The following KIF6 variants were observed in gnomAD, a reference collection of about 807,000 sequenced individuals.
KIF6 encodes kinesin-like protein KIF6.
Under a neutral mutation model 112.7 loss-of-function variants are expected in KIF6, and 106 were observed. The ratio of observed to expected loss-of-function variants is 0.94; its 90% CI spans 0.80 to 1.11. The LOEUF is 1.11. KIF6 is among the 50% of genes least tolerant of loss of function. The pLI, the probability that KIF6 is intolerant of heterozygous loss-of-function variation, is 0.00. For synonymous variants in KIF6, 339 were observed against 339.9 expected (o/e 1.00, Z 0.03); for missense variants, 929 against 964.0 (o/e 0.96, Z 0.48).
intron 12 of KIF6, among the ~76,000 whole-genome samples, chr6:39,541,416 A>C (rs927282009): frequency 3.9e-5 from 6 of 152,210 alleles, no homozygotes; most frequent in Admixed American, 1.3e-4. Flanking sequence ...GCTCTGGCCG[A>C]ACACGCTGCT....
intron 7 of KIF6, among the ~76,000 whole-genome samples, chr6:39,593,751 C>T (rs1782080140): frequency 6.6e-6 from 1 of 152,192 alleles, no homozygotes; most frequent in Non-Finnish European, 1.5e-5. Context: ...TGCTCTGCCC[C>T]ATCCTTGATT....
chr6:39,696,381 T>C (rs1035494519), intron 3 of KIF6, among the ~76,000 whole-genome samples: 1 of 152,082 alleles, frequency 6.6e-6, no homozygotes, highest in Non-Finnish European at 1.5e-5. Flanking sequence ...GCCTAGAAGG[T>C]GCATAATTGA....
At chr6:39,570,134 G>A (rs1220515475) in intron 10 of KIF6, among the ~76,000 whole-genome samples, 2 of 152,128 alleles carry the variant, frequency 1.3e-5, no homozygotes, top group African/African-American at 4.8e-5. Context: ...ACTATATTTA[G>A]TCTTAAATTA....
chr6:39,390,924 G>A (rs532617451), intron 15 of KIF6, among the ~76,000 whole-genome samples: 24 of 152,230 alleles, frequency 1.6e-4, no homozygotes, highest in African/African-American at 5.5e-4. Context: ...AAAAATAATG[G>A]GCCTAGAATA....
chr6:39,540,621 G>A (rs891832743), intron 12 of KIF6, among the ~76,000 whole-genome samples: 11 of 152,362 alleles, frequency 7.2e-5, no homozygotes, highest in African/African-American at 2.2e-4. Flanking sequence ...GCGAGCACGC[G>A]CCTGCTCGGG....
At chr6:39,357,747 C>T (rs1050345947) in intron 18 of KIF6, among the ~76,000 whole-genome samples, 1 of 152,100 alleles carries the variant, frequency 6.6e-6, no homozygotes, top group African/African-American at 2.4e-5. Context: ...CCATACCCGG[C>T]CTTGATGTAA....
chr6:39,344,182 T>C (rs1763537990), intron 21 of KIF6, among the ~76,000 whole-genome samples: 1 of 152,224 alleles, frequency 6.6e-6, no homozygotes, highest in South Asian at 2.1e-4. Flanking sequence ...ATAAGTCTCA[T>C]GAGATCTGAT....
intron 3 of KIF6, chr6:39,690,769 G>A (rs1400020147): frequency 6.6e-6 from 1 of 152,374 alleles, no homozygotes; most frequent in East Asian, 1.9e-4. Flanking sequence ...GTGGCCAATG[G>A]GGGACTGCAG....
intron 9 of KIF6, chr6:39,583,479 T>C (rs778055174): frequency 2.1e-6 from 1 of 471,576 alleles, no homozygotes; most frequent in Non-Finnish European, 4.4e-6. Context: ...CTTGGTGCTT[T>C]CTGAGGCAAG....
chr6:39,707,132 T>C (rs1789255092), intron 3 of KIF6, among the ~76,000 whole-genome samples: 1 of 152,230 alleles, frequency 6.6e-6, no homozygotes, highest in Non-Finnish European at 1.5e-5. Context: ...TTTTCTCACA[T>C]GTGTAGAATT....
At chr6:39,377,220 T>G (rs1766511395) in intron 16 of KIF6, among the ~76,000 whole-genome samples, 1 of 152,178 alleles carries the variant, frequency 6.6e-6, no homozygotes, top group Non-Finnish European at 1.5e-5. Flanking sequence ...GGCTAATTTT[T>G]TAATCTTTTC....
At chr6:39,715,760 A>G in intron 2 of KIF6, among the ~76,000 whole-genome samples, 1 of 152,170 alleles carries the variant, frequency 6.6e-6, no homozygotes, top group East Asian at 1.9e-4. Context: ...CAAAGAGATA[A>G]TCTAAGGCAC....
chr6:39,553,687 T>C (rs891217689), intron 10 of KIF6: 4 of 152,244 alleles, frequency 2.6e-5, no homozygotes, highest in East Asian at 1.9e-4. Flanking sequence ...CAGATTTTCA[T>C]ATATCCAATT....
At position 39,529,231 on chromosome 6, in the gene KIF6, C is replaced by T. The variant is rs568147905; in HGVS notation, c.1645+10772G>A. The stretch of plus-strand genomic sequence containing the variant: ...GAAGAAAAGATGGGGGAAAAAACTA[C>T]ATGACACTGATCTGGGCAATAATTT... On this transcript the variant is annotated intron_variant, in intron 13 of 22. Transcript: ENST00000287152. 2.6e-5 allele frequency among the ~76,000 whole-genome samples: 4 copies of T among 152,278 alleles called. No individual in the cohort carries two copies. The East Asian group carries it at 5.8e-4, about 22-fold the overall frequency.
intron 3 of KIF6, among the ~76,000 whole-genome samples, chr6:39,709,437 C>T (rs1175718739): frequency 2.0e-5 from 3 of 152,138 alleles, no homozygotes; most frequent in South Asian, 2.1e-4. Flanking sequence ...GATCTAATGC[C>T]GCAGCTGATC....
intron 10 of KIF6, among the ~76,000 whole-genome samples, chr6:39,566,299 TA>T (rs1780272163): frequency 6.6e-6 from 1 of 152,194 alleles, no homozygotes; most frequent in Non-Finnish European, 1.5e-5. Context: ...TGCAAATTTT[TA>T]AAAAAATCAT....
intron 13 of KIF6, among the ~76,000 whole-genome samples, chr6:39,466,858 C>T (rs900724514): frequency 4.6e-5 from 7 of 152,202 alleles, no homozygotes; most frequent in Admixed American, 3.9e-4. Flanking sequence ...TACCAGGTCT[C>T]GATTGCCTTT....
At chr6:39,451,225 G>A (rs1174326518) in intron 13 of KIF6, among the ~76,000 whole-genome samples, 2 of 152,200 alleles carry the variant, frequency 1.3e-5, no homozygotes, top group African/African-American at 2.4e-5. Context: ...GAGAGCTTAT[G>A]TTCTACTGAG....
At chr6:39,720,663 A>T in intron 2 of KIF6, 39 bp downstream of exon 2, 1 of 1,050,514 alleles carries the variant, frequency 9.5e-7, no homozygotes, top group Non-Finnish European at 1.5e-6. Flanking sequence ...TTAGTTCAAT[A>T]ATGAAACAGA....
Sources: allele counts gnomAD v4.1 joint callset (sites outside exome capture counted in the v4.1 genomes callset), GRCh38; gene constraint gnomAD v4.1.1; transcripts MANE v1.5; gene names NCBI Gene and HGNC (gene_info 2026-07-23, HGNC 2026-07-21).